PSMB2: variants seen among roughly 807,000 people sequenced by gnomAD.
PSMB2 encodes the protein proteasome subunit beta type-2.
PSMB2 carries 13 observed loss-of-function variants against 25.7 expected under a neutral mutation model. The ratio of observed to expected loss-of-function variants is 0.51; its 90% CI spans 0.33 to 0.80. The LOEUF is 0.80. Ranked by LOEUF, PSMB2 falls within the 30% of genes least tolerant of loss-of-function variation. The probability of loss-of-function intolerance (pLI) is 0.02; values close to 1 mark genes in which losing one functional copy is unlikely to be tolerated. For missense variants in PSMB2, 202 were observed against 259.0 expected (o/e 0.78, Z 1.51); for synonymous variants, 87 against 96.2 (o/e 0.90, Z 0.56).
At chr1:35,609,083 C>A (rs1283712531) in intron 4 of PSMB2, among the ~76,000 whole-genome samples, 163 bp downstream of exon 4, 1 of 152,202 alleles carries the variant, frequency 6.6e-6, no homozygotes, top group Admixed American at 6.5e-5. Context: ...GAAGACCCTA[C>A]TGACTGACAG....
chr1:35,604,192 A>G (rs1365119216), intron 5 of PSMB2, among the ~76,000 whole-genome samples: 1 of 152,200 alleles, frequency 6.6e-6, no homozygotes, highest in East Asian at 1.9e-4. Context: ...AGGAACAGTA[A>G]AAGAATGAAA....
intron 1 of PSMB2, among the ~76,000 whole-genome samples, chr1:35,637,029 T>C (rs933199374): frequency 1.3e-5 from 2 of 152,190 alleles, no homozygotes; most frequent in Non-Finnish European, 2.9e-5. Flanking sequence ...AAATACAATT[T>C]AAAGCATTTA....
At chr1:35,628,612 T>A (rs1182060546) in intron 3 of PSMB2, among the ~76,000 whole-genome samples, 118 of 45,996 alleles carry the variant, frequency 2.6e-3, no homozygotes, top group Non-Finnish European at 3.2e-3. Context: ...TATATATATA[T>A]ATATATATAT....
At chr1:35,629,449 A>G (rs1355037182) in intron 3 of PSMB2, among the ~76,000 whole-genome samples, 1 of 152,228 alleles carries the variant, frequency 6.6e-6, no homozygotes, top group East Asian at 1.9e-4. Context: ...TAGAATAGCA[A>G]CAAGGCTAGA....
intron 3 of PSMB2, among the ~76,000 whole-genome samples, chr1:35,624,241 G>A (rs1014540942): frequency 6.6e-6 from 1 of 152,104 alleles, no homozygotes; most frequent in African/African-American, 2.4e-5. Flanking sequence ...CATGCTATTT[G>A]GGGGCTGGAA....
chr1:35,611,916 C>T (rs752529146), intron 3 of PSMB2, among the ~76,000 whole-genome samples: 3 of 152,008 alleles, frequency 2.0e-5, no homozygotes, highest in Non-Finnish European at 4.4e-5. Context: ...AGTAATCCTT[C>T]CACCTTGGCC....
intron 3 of PSMB2, among the ~76,000 whole-genome samples, chr1:35,629,378 A>G (rs1023757672): frequency 1.3e-5 from 2 of 152,216 alleles, no homozygotes; most frequent in African/African-American, 4.8e-5. Context: ...TCTTTAATGC[A>G]TTCAATCCTT....
At chr1:35,634,973 T>C (rs923960981) in intron 2 of PSMB2, among the ~76,000 whole-genome samples, 1 of 152,050 alleles carries the variant, frequency 6.6e-6, no homozygotes, top group Non-Finnish European at 1.5e-5. Flanking sequence ...AACTTTTTTG[T>C]AGAAGGCCGG....
intron 3 of PSMB2, among the ~76,000 whole-genome samples, chr1:35,631,045 T>C (rs1651078164): frequency 6.6e-6 from 1 of 152,156 alleles, no homozygotes; most frequent in South Asian, 2.1e-4. Flanking sequence ...CAGGCCTTCA[T>C]ATTGGTGTGT....
At chr1:35,607,413 T>C (rs1285126119) in intron 4 of PSMB2, among the ~76,000 whole-genome samples, 1 of 151,982 alleles carries the variant, frequency 6.6e-6, no homozygotes. Flanking sequence ...CCAACAAATA[T>C]ATGGAAAAAA....
In PSMB2 at chr1:35,631,358, T is replaced by C. The variant is rs1350135666; in HGVS notation, c.215-14A>G. ...ACAATTCATATCCTGGTAGAAGAGA[T>C]AAAGAGTCATACTTAAAGTAAAGCA... On this transcript the variant is annotated splice_polypyrimidine_tract_variant and intron_variant, in intron 2 of 5. Transcript: ENST00000373237. The C allele has an allele frequency of 1.9e-6, 3 of 1,613,318 alleles. No individual in the cohort carries two copies. Among genetic ancestry groups the C allele is most frequent in the Non-Finnish European group, 2.5e-6 (3 of 1,179,362 alleles).
chr1:35,611,238 G>A (rs1172178313), intron 3 of PSMB2, among the ~76,000 whole-genome samples: 2 of 152,142 alleles, frequency 1.3e-5, no homozygotes, highest in Non-Finnish European at 2.9e-5. Context: ...AGCATGAAGT[G>A]TAATAGCTAA....
chr1:35,640,834 C>G (rs775706766), intron 1 of PSMB2, among the ~76,000 whole-genome samples: 5 of 152,156 alleles, frequency 3.3e-5, no homozygotes, highest in Non-Finnish European at 5.9e-5. Flanking sequence ...CAACTCTCAC[C>G]AAGCAAGAAG....
intron 3 of PSMB2, among the ~76,000 whole-genome samples, chr1:35,621,889 G>A (rs1650695502): frequency 6.6e-6 from 1 of 152,208 alleles, no homozygotes; most frequent in Non-Finnish European, 1.5e-5. Context: ...CCAGCTACTC[G>A]GGAGGCTGAG....
chr1:35,611,331 CT>C (rs1239394389), intron 3 of PSMB2, among the ~76,000 whole-genome samples: 2 of 151,390 alleles, frequency 1.3e-5, no homozygotes, highest in African/African-American at 4.9e-5. Context: ...ATGGTTTTTG[CT>C]TTTTTTGGGG....
chr1:35,631,434 AC>A, intron 2 of PSMB2, 90 bp from the exon 3 acceptor site: 1 of 1,578,444 alleles, frequency 6.3e-7, no homozygotes, highest in Non-Finnish European at 8.6e-7. Context: ...CCTAAAGCCC[AC>A]CATCTTTTGT....
chr1:35,637,987 C>T (rs1387645594), intron 1 of PSMB2, among the ~76,000 whole-genome samples: 1 of 152,144 alleles, frequency 6.6e-6, no homozygotes, highest in Non-Finnish European at 1.5e-5. Flanking sequence ...CTATACTTAA[C>T]ATGCCTCACT....
intron 2 of PSMB2, among the ~76,000 whole-genome samples, chr1:35,633,301 A>C (rs1336061272): frequency 6.6e-6 from 1 of 151,878 alleles, no homozygotes; most frequent in Non-Finnish European, 1.5e-5. Context: ...CCTAAACACC[A>C]CTGAAGATCT....
chr1:35,626,959 T>A (rs1571136543), intron 3 of PSMB2, among the ~76,000 whole-genome samples: 1 of 152,186 alleles, frequency 6.6e-6, no homozygotes, highest in South Asian at 2.1e-4. Context: ...CAGGAGATTT[T>A]CCACCAGAAA....
Sources: gnomAD v4.1 joint callset for allele counts (sites outside exome capture counted in the v4.1 genomes callset) on GRCh38, gnomAD v4.1.1 for gene constraint, MANE v1.5 for transcripts, NCBI Gene and HGNC (gene_info 2026-07-23, HGNC 2026-07-21) for gene names.